The following GRAMD1B variants were observed in gnomAD, a reference collection of about 807,000 sequenced individuals.
The protein encoded by GRAMD1B is protein Aster-B.
GRAMD1B carries 37 observed loss-of-function variants against 99.7 expected under a neutral mutation model. The observed-to-expected ratio is 0.37, with a 90% CI of 0.29 to 0.49. GRAMD1B has a LOEUF of 0.49. Among genes scored for constraint, GRAMD1B ranks in the 20% least tolerant of loss-of-function variants. The pLI is 0.98. For synonymous variants in GRAMD1B, 427 were observed against 387.6 expected, an observed-to-expected ratio of 1.10 and a Z score of -1.19; for missense variants, 888 against 1,009.2, an observed-to-expected ratio of 0.88 and a Z score of 1.63.
chr11:123,474,368 A>G (rs1951161101), intron 1 of GRAMD1B, among the ~76,000 whole-genome samples: 2 of 152,084 alleles, frequency 1.3e-5, no homozygotes. Flanking sequence ...AATTTTCTCA[A>G]TCTCCCCCTC....
chr11:123,417,898 C>T lies in GRAMD1B; in HGVS notation c.-176+59099C>T, dbSNP rs536989046. Among the ~76,000 whole-genome samples the T allele has an allele frequency of 5.3e-5, 8 of 152,138 alleles. No homozygotes were observed. In the South Asian group the frequency reaches 6.2e-4, roughly 12 times the overall value. ...TGCAGTGAGCAACCTGTAGCTGTGGCTACAGGCACATGCCTCTATGCCTGG... is the reference window on the plus strand; with the variant it reads ...TGCAGTGAGCAACCTGTAGCTGTGGTTACAGGCACATGCCTCTATGCCTGG... On this transcript the variant is annotated intron_variant, in intron 1 of 20. Transcript: ENST00000638157.
intron 4 of GRAMD1B, among the ~76,000 whole-genome samples, chr11:123,592,198 G>C (rs1950738013): frequency 6.6e-6 from 1 of 152,146 alleles, no homozygotes; most frequent in Non-Finnish European, 1.5e-5. Flanking sequence ...AGAGGGCTTG[G>C]AAGGCTAGCA....
upstream of GRAMD1B, among the ~76,000 whole-genome samples, chr11:123,428,909 A>C (rs2134152551): frequency 6.6e-6 from 1 of 152,300 alleles, no homozygotes; most frequent in Admixed American, 6.5e-5. Flanking sequence ...GTTACTGACC[A>C]GGCTGGGCAT....
At chr11:123,424,029 C>T (rs543843998) in intron 1 of GRAMD1B, among the ~76,000 whole-genome samples, 38 of 152,244 alleles carry the variant, frequency 2.5e-4, no homozygotes, top group African/African-American at 8.7e-4. Flanking sequence ...CCTATCTCCT[C>T]TCATTCCACA....
At chr11:123,616,598 T>C (rs1053983322) in intron 17 of GRAMD1B, among the ~76,000 whole-genome samples, 2 of 152,252 alleles carry the variant, frequency 1.3e-5, no homozygotes, top group African/African-American at 4.8e-5. Flanking sequence ...GACTCTCTAA[T>C]TCAATGCTGC....
At chr11:123,550,426 C>T (rs1229902897) in intron 2 of GRAMD1B, among the ~76,000 whole-genome samples, 1 of 152,200 alleles carries the variant, frequency 6.6e-6, no homozygotes, top group African/African-American at 2.4e-5. Flanking sequence ...CACATACTCT[C>T]TCATGCACAC....
chr11:123,504,826 C>A (rs1022190035), intron 2 of GRAMD1B, among the ~76,000 whole-genome samples: 1 of 152,120 alleles, frequency 6.6e-6, no homozygotes, highest in African/African-American at 2.4e-5. Context: ...GAATCACAGG[C>A]GTGCACCACC....
chr11:123,472,052 G>GCCC (rs1951041261), intron 1 of GRAMD1B, among the ~76,000 whole-genome samples: 2 of 152,064 alleles, frequency 1.3e-5, no homozygotes, highest in Admixed American at 1.3e-4. Flanking sequence ...TGGATCATTT[G>GCCC]AGGCCAGGAG....
At chr11:123,563,969 C>T (rs1303254931) in intron 2 of GRAMD1B, among the ~76,000 whole-genome samples, 18 of 152,154 alleles carry the variant, frequency 1.2e-4, no homozygotes, top group East Asian at 9.6e-4. Context: ...GGTCATTCTT[C>T]GGTATGCTTC....
chr11:123,577,231 C>A, intron 2 of GRAMD1B, 136 bp from the exon 3 acceptor site: 1 of 742,574 alleles, frequency 1.3e-6, no homozygotes. Context: ...CCCCTCTCTC[C>A]CGGTTTCTCC....
chr11:123,588,672 G>A (rs1168824769), intron 4 of GRAMD1B, among the ~76,000 whole-genome samples: 3 of 152,192 alleles, frequency 2.0e-5, no homozygotes, highest in East Asian at 1.9e-4. Flanking sequence ...AAGTTTGCAC[G>A]TGTGCTGGGG....
intron 1 of GRAMD1B, among the ~76,000 whole-genome samples, chr11:123,447,894 T>C (rs1378486883): frequency 2.0e-5 from 3 of 152,172 alleles, no homozygotes; most frequent in Non-Finnish European, 4.4e-5. Context: ...CCTGTAAACC[T>C]AGTTTGTTTT....
chr11:123,383,201 T>C (rs994227354), intron 1 of GRAMD1B, among the ~76,000 whole-genome samples: 1 of 110,152 alleles, frequency 9.1e-6, no homozygotes, highest in Non-Finnish European at 1.7e-5. Context: ...TACTTCAGAG[T>C]CTTGCTCTCT....
intron 1 of GRAMD1B, among the ~76,000 whole-genome samples, chr11:123,464,618 C>T (rs1950580416): frequency 6.6e-6 from 1 of 152,198 alleles, no homozygotes; most frequent in Admixed American, 6.5e-5. Flanking sequence ...AACCCAGGCC[C>T]CCTGAATCAG....
chr11:123,423,174 C>T (rs1948514583), intron 1 of GRAMD1B, among the ~76,000 whole-genome samples: 1 of 151,842 alleles, frequency 6.6e-6, no homozygotes, highest in Non-Finnish European at 1.5e-5. Flanking sequence ...GGCAGAACTC[C>T]ATTGTAAATG....
At chr11:123,360,164 C>T (rs770190987) in intron 1 of GRAMD1B, among the ~76,000 whole-genome samples, 18 of 152,228 alleles carry the variant, frequency 1.2e-4, no homozygotes, top group Non-Finnish European at 2.4e-4. Flanking sequence ...ACCGATCTCT[C>T]TCTCTTCTCT....
intron 4 of GRAMD1B, among the ~76,000 whole-genome samples, chr11:123,592,533 T>C (rs1187649000): frequency 1.3e-5 from 2 of 152,116 alleles, no homozygotes; most frequent in African/African-American, 4.8e-5. Context: ...CTCTAGAAGG[T>C]CAGTTAGGCA....
chr11:123,437,156 T>C (rs1949199156), intron 1 of GRAMD1B, among the ~76,000 whole-genome samples: 1 of 152,196 alleles, frequency 6.6e-6, no homozygotes, highest in South Asian at 2.1e-4. Flanking sequence ...TCTATCAAGA[T>C]GGCACAATTT....
intron 1 of GRAMD1B, among the ~76,000 whole-genome samples, chr11:123,382,888 G>C (rs1946929076): frequency 6.6e-6 from 1 of 152,162 alleles, no homozygotes; most frequent in South Asian, 2.1e-4. Context: ...GAGAAGCTGA[G>C]GGACAAGCCC....
Sources: gnomAD v4.1 joint callset for allele counts (sites outside exome capture counted in the v4.1 genomes callset) on GRCh38, gnomAD v4.1.1 for gene constraint, MANE v1.5 for transcripts, NCBI Gene and HGNC (gene_info 2026-07-23, HGNC 2026-07-21) for gene names.